Variants in ZNF827 observed in about 807,000 individuals in gnomAD.
The protein encoded by ZNF827 is zinc finger protein 827.
Under a neutral mutation model 102.4 loss-of-function variants are expected in ZNF827, and 13 were observed. The observed-to-expected ratio is 0.13, with a 90% CI of 0.08 to 0.20. The LOEUF is 0.20. Ranked by LOEUF, ZNF827 falls within the 10% of genes least tolerant of loss-of-function variation. The pLI, the probability that ZNF827 is intolerant of heterozygous loss-of-function variation, is 1.00. For missense variants in ZNF827, 1,103 were observed against 1,344.4 expected (o/e 0.82, Z 2.81); for synonymous variants, 523 against 536.2 (o/e 0.98, Z 0.34).
chr4:145,838,768 A>G (rs555444478), intron 7 of ZNF827, among the ~76,000 whole-genome samples: 18 of 152,302 alleles, frequency 1.2e-4, no homozygotes, highest in African/African-American at 4.1e-4. Context: ...CACACCACCA[A>G]CTTAGCAGTG....
intron 7 of ZNF827, among the ~76,000 whole-genome samples, chr4:145,838,747 C>A (rs934571300): frequency 6.6e-6 from 1 of 152,032 alleles, no homozygotes; most frequent in Admixed American, 6.6e-5. Flanking sequence ...AAAAAAAATC[C>A]AGCAAGGATA....
intron 10 of ZNF827, among the ~76,000 whole-genome samples, chr4:145,775,223 C>T (rs959034497): frequency 1.3e-5 from 2 of 152,170 alleles, no homozygotes; most frequent in Non-Finnish European, 2.9e-5. Flanking sequence ...AGCAAGTTTC[C>T]ACCAATCAGT....
chr4:145,936,518 GGAAA>G (rs1328399720), intron 1 of ZNF827, among the ~76,000 whole-genome samples: 2 of 152,154 alleles, frequency 1.3e-5, no homozygotes, highest in Non-Finnish European at 2.9e-5. Context: ...ACCGGGAAGG[GGAAA>G]GAAAGAGGAA....
Position 145,885,726 on chromosome 4 carries a change from G to C in ZNF827, c.1699C>G (p.Gln567Glu), listed in dbSNP as rs1360139468. ...VANSASALFS[Q>E]DISVKMASDF... is the part of the protein sequence containing the mutation. ...GACGCCATCTTAACAGAGATGTCCT[G>C]GCTGAACAATGCTGACGCACTGTTG... The change falls in exon 4 of 15, where the codon CAG becomes GAG. Residue 567 changes from glutamine (Q) to glutamate (E), a missense_variant. By Grantham distance (29) the Gln-to-Glu change is conservative (BLOSUM62 2). This residue lies in a region of ZNF827 where 157 missense variants were observed against 211.7 expected (regional missense o/e 0.74). Coordinates refer to ENST00000508784, the MANE Select transcript of ZNF827 (RefSeq NM_001306215.2). 2.5e-6 allele frequency: 4 copies of C among 1,569,354 alleles called. No homozygotes were observed. Among genetic ancestry groups the C allele is most frequent in the Admixed American group, 1.8e-5 (1 of 54,758 alleles).
chr4:145,789,269 G>A (rs1739329709), intron 8 of ZNF827, among the ~76,000 whole-genome samples: 1 of 152,160 alleles, frequency 6.6e-6, no homozygotes, highest in African/African-American at 2.4e-5. Flanking sequence ...TCCATAATTG[G>A]TTAAGTCTCT....
intron 7 of ZNF827, chr4:145,831,321 T>C (rs903005700): frequency 6.6e-6 from 1 of 152,234 alleles, no homozygotes; most frequent in Non-Finnish European, 1.5e-5. Flanking sequence ...AACTCGGTCA[T>C]TGATCATGTT....
At chr4:145,814,975 C>T (rs954267629) in intron 8 of ZNF827, among the ~76,000 whole-genome samples, 4 of 151,994 alleles carry the variant, frequency 2.6e-5, no homozygotes, top group Admixed American at 6.6e-5. Flanking sequence ...CCAAAAATTG[C>T]ACCCAAATTT....
At chr4:145,931,582 C>T (rs1254261266) in intron 1 of ZNF827, among the ~76,000 whole-genome samples, 2 of 152,196 alleles carry the variant, frequency 1.3e-5, no homozygotes, top group East Asian at 1.9e-4. Flanking sequence ...GTAGGTCATA[C>T]TCTGATTATC....
In ZNF827 at chr4:145,892,126, C is replaced by G. The variant is rs552478760; in HGVS notation, c.1266+117G>C. On this transcript the variant is annotated intron_variant, in intron 3 of 14. Transcript: ENST00000508784. ...CCTTGCTACGTGGAGTACTGTCATC[C>G]GCATGTTTCATCAGTGAGGCGCCCT... 1.2e-5 allele frequency: 11 copies of G among 952,942 alleles called. No individual in the cohort carries two copies. The East Asian group carries it at 2.9e-4, about 25-fold the overall frequency. The allele number at this position is 952,942 out of a possible 1,614,324, so 59.0% of individuals were successfully genotyped here.
At chr4:145,894,603 T>C (rs1750840717) in intron 2 of ZNF827, among the ~76,000 whole-genome samples, 1 of 152,236 alleles carries the variant, frequency 6.6e-6, no homozygotes, top group Non-Finnish European at 1.5e-5. Context: ...ACAGGTCTAT[T>C]GGTTAGCTCA....
chr4:145,771,849 A>G (rs190726514), intron 11 of ZNF827, among the ~76,000 whole-genome samples: 1 of 152,344 alleles, frequency 6.6e-6, no homozygotes, highest in African/African-American at 2.4e-5. Flanking sequence ...AGGTACTGAA[A>G]TAATAGGGGC....
At position 145,924,280 on chromosome 4, in the gene ZNF827, G is replaced by A. The variant is rs76129043; in HGVS notation, c.43+14085C>T. On this transcript the variant is annotated intron_variant, in intron 1 of 14. Transcript: ENST00000508784. ...GGTAACTCTTAGGAGACAGGGAGCA[G>A]GAGAAGAATACACAAACAAGTTCAA... Among the ~76,000 whole-genome samples the A allele has an allele frequency of 5.6e-4, 86 of 152,326 alleles. 1 individual carries two copies. The East Asian group carries it at 0.016, about 29-fold the overall frequency.
At chr4:145,807,492 A>G (rs1741569853) in intron 8 of ZNF827, among the ~76,000 whole-genome samples, 1 of 149,796 alleles carries the variant, frequency 6.7e-6, no homozygotes, top group African/African-American at 2.5e-5. Context: ...TTTTTTTTTG[A>G]GACATAGTCT....
chr4:145,768,916 T>TATATATATATATATATATATATATAAA (rs34051922), intron 11 of ZNF827, among the ~76,000 whole-genome samples: 2 of 34,414 alleles, frequency 5.8e-5, no homozygotes, highest in African/African-American at 1.0e-4. Flanking sequence ...TATATATATA[T>TATATATATATATATATATATATATAAA]TAGGTATACA....
chr4:145,899,449 A>G (rs1451849391), intron 2 of ZNF827, among the ~76,000 whole-genome samples: 1 of 152,162 alleles, frequency 6.6e-6, no homozygotes, highest in Non-Finnish European at 1.5e-5. Flanking sequence ...ACAAAGACAA[A>G]TAACAAAATT....
chr4:145,781,195 C>CAAAAAAAAAAAAAAAAAAAAGAAAAAAA (rs1737946510), intron 8 of ZNF827, among the ~76,000 whole-genome samples: 1 of 56,546 alleles, frequency 1.8e-5, no homozygotes, highest in Non-Finnish European at 2.8e-5. Flanking sequence ...GACACCATCT[C>CAAAAAAAAAAAAAAAAAAAAGAAAAAAA]AAAAAAAAAA....
At chr4:145,905,590 C>G (rs559813778) in intron 1 of ZNF827, among the ~76,000 whole-genome samples, 2 of 152,162 alleles carry the variant, frequency 1.3e-5, no homozygotes, top group Non-Finnish European at 2.9e-5. Context: ...AAATTGGCGG[C>G]GACCCTAAAC....
At chr4:145,878,587 CAGGACAGGACAGGACAGGAAAGGAA>C (rs1561031343) in intron 4 of ZNF827, among the ~76,000 whole-genome samples, 3 of 124,128 alleles carry the variant, frequency 2.4e-5, no homozygotes, top group African/African-American at 3.3e-5. Flanking sequence ...CAGGACAGGA[CAGGACAGGACAGGACAGGAAAGGAA>C]AGGAAAGGAA....
intron 8 of ZNF827, among the ~76,000 whole-genome samples, chr4:145,792,555 G>T (rs1181193436): frequency 6.6e-6 from 1 of 151,728 alleles, no homozygotes; most frequent in African/African-American, 2.4e-5. Context: ...AAGAGACAGG[G>T]TCTCACTTTG....
Sources: gnomAD v4.1 joint callset for allele counts (sites outside exome capture counted in the v4.1 genomes callset) on GRCh38, gnomAD v4.1.1 for gene constraint, gnomAD v4.1.1 regional missense constraint, MANE v1.5 for transcripts, NCBI Gene and HGNC (gene_info 2026-07-23, HGNC 2026-07-21) for gene names.